Variants in DYNC1I2 observed in about 807,000 individuals in gnomAD.
DYNC1I2 encodes the protein cytoplasmic dynein 1 intermediate chain 2.
In DYNC1I2, 53 loss-of-function variants were observed where a neutral mutation model predicts 88.6. The observed-to-expected ratio is 0.60, with a 90% CI of 0.48 to 0.75. The LOEUF (loss-of-function observed/expected upper bound fraction) is 0.75, where lower values mean the gene tolerates loss of function less well. DYNC1I2 is among the 30% of genes least tolerant of loss of function. The pLI, the probability that DYNC1I2 is intolerant of heterozygous loss-of-function variation, is 0.00. For synonymous variants in DYNC1I2, 198 were observed against 254.6 expected (o/e 0.78, Z 2.12); for missense variants, 458 against 766.6 (o/e 0.60, Z 4.75).
intron 1 of DYNC1I2, among the ~76,000 whole-genome samples, chr2:171,688,963 A>G (rs1685180987): frequency 6.6e-6 from 1 of 152,132 alleles, no homozygotes; most frequent in Non-Finnish European, 1.5e-5. Flanking sequence ...GGAGAAGGTA[A>G]GGAGTTCCTG....
rs571291279 is a variant in DYNC1I2 at position 171,740,402 on chromosome 2, A to T, written c.1537-3647A>T. Among the ~76,000 whole-genome samples the T allele has an allele frequency of 3.3e-5, 5 of 152,330 alleles. No individual in the cohort carries two copies. The East Asian group carries it at 9.6e-4, about 29-fold the overall frequency. The stretch of plus-strand genomic sequence containing the variant: ...TGATTGTTTATAAAATCCATGACTT[A>T]CGTTTTCTTTCTTTGCATACCTTAG... On this transcript the variant is annotated intron_variant, in intron 15 of 17. Transcript: ENST00000397119.
At chr2:171,696,165 T>G (rs1264930722) in intron 3 of DYNC1I2, among the ~76,000 whole-genome samples, 1 of 152,232 alleles carries the variant, frequency 6.6e-6, no homozygotes, top group East Asian at 1.9e-4. Context: ...GCTTATAATA[T>G]TCTTCATTGA....
At chr2:171,715,729 ATAC>A (rs1487747840) in intron 7 of DYNC1I2, among the ~76,000 whole-genome samples, 1 of 152,132 alleles carries the variant, frequency 6.6e-6, no homozygotes, top group African/African-American at 2.4e-5. Context: ...TCATTAATGT[ATAC>A]TGCTTTTAGA....
At chr2:171,712,703 T>C in intron 5 of DYNC1I2, 64 bp from the exon 6 acceptor site, 6 of 1,117,932 alleles carry the variant, frequency 5.4e-6, no homozygotes, top group Non-Finnish European at 6.8e-6. Flanking sequence ...TCATAGAATG[T>C]ATTTGCTTGA....
At chr2:171,730,542 G>A (rs146675005) in intron 15 of DYNC1I2, among the ~76,000 whole-genome samples, 1 of 152,276 alleles carries the variant, frequency 6.6e-6, no homozygotes, top group East Asian at 1.9e-4. Context: ...ACAAATCCAA[G>A]TAGGCAACAT....
intron 15 of DYNC1I2, among the ~76,000 whole-genome samples, chr2:171,735,794 A>G (rs1488146923): frequency 6.6e-6 from 1 of 152,248 alleles, no homozygotes; most frequent in Non-Finnish European, 1.5e-5. Context: ...TGGTAGATTC[A>G]CTAAATGTTC....
At chr2:171,721,196 C>A (rs1334833982) in intron 7 of DYNC1I2, among the ~76,000 whole-genome samples, 1 of 144,074 alleles carries the variant, frequency 6.9e-6, no homozygotes, top group African/African-American at 2.5e-5. Context: ...TATAATTAAA[C>A]TATTAGTCTT....
chr2:171,707,928 T>G (rs12997093), intron 5 of DYNC1I2, among the ~76,000 whole-genome samples: 1 of 151,988 alleles, frequency 6.6e-6, no homozygotes, highest in Non-Finnish European at 1.5e-5. Context: ...TGCATCTTCC[T>G]TGTAAAATTA....
At chr2:171,739,694 C>G (rs1238521309) in intron 15 of DYNC1I2, among the ~76,000 whole-genome samples, 2 of 127,022 alleles carry the variant, frequency 1.6e-5, no homozygotes, top group South Asian at 5.1e-4. Flanking sequence ...ATTGACATAT[C>G]TCTTTTTTTT....
chr2:171,705,529 C>T (rs1686613338), intron 3 of DYNC1I2, among the ~76,000 whole-genome samples: 2 of 151,982 alleles, frequency 1.3e-5, no homozygotes, highest in African/African-American at 2.4e-5. Flanking sequence ...TGTGGTGCCT[C>T]ACTATAATTT....
chr2:171,687,751 C>G (rs1422820387), intron 1 of DYNC1I2, 124 bp downstream of exon 1: 2 of 152,536 alleles, frequency 1.3e-5, no homozygotes, highest in Non-Finnish European at 2.9e-5. Flanking sequence ...GCCCATCCCT[C>G]TTTGTGTGCT....
intron 4 of DYNC1I2, chr2:171,706,994 G>A: frequency 2.0e-6 from 1 of 503,562 alleles, no homozygotes; most frequent in South Asian, 2.5e-5. Flanking sequence ...GCCACATTTG[G>A]TGATGGATGA....
chr2:171,725,586 G>GTTT, intron 7 of DYNC1I2, 32 bp from the exon 8 acceptor site: 1 of 1,244,314 alleles, frequency 8.0e-7, no homozygotes, highest in Non-Finnish European at 1.1e-6. Flanking sequence ...CTGTTTTTTT[G>GTTT]TTTTTTTGTT....
At chr2:171,709,039 A>G (rs981875388) in intron 5 of DYNC1I2, among the ~76,000 whole-genome samples, 1 of 152,142 alleles carries the variant, frequency 6.6e-6, no homozygotes, top group Non-Finnish European at 1.5e-5. Context: ...TTTAAGTGAA[A>G]GCGTTTTTTT....
intron 3 of DYNC1I2, among the ~76,000 whole-genome samples, chr2:171,694,238 T>C (rs1281212440): frequency 6.6e-6 from 1 of 152,008 alleles, no homozygotes; most frequent in Non-Finnish European, 1.5e-5. Context: ...GGTTTCACCA[T>C]ATTGGCCAGG....
At chr2:171,729,660 G>T in intron 14 of DYNC1I2, 49 bp from the exon 15 acceptor site, 1 of 1,590,068 alleles carries the variant, frequency 6.3e-7, no homozygotes, top group South Asian at 1.1e-5. Flanking sequence ...GTATGTAATT[G>T]GTCTACTTAT....
chr2:171,712,831 T>G lies in DYNC1I2; in HGVS notation c.395+5T>G. The G allele has an allele frequency of 6.2e-7, 1 of 1,611,472 alleles. No homozygotes were observed. The highest frequency in any genetic ancestry group is 8.5e-7 in the Non-Finnish European group (1 of 1,177,920). The stretch of plus-strand genomic sequence containing the variant: ...TCACTCAGATTCCGATTTGGGGTAT[T>G]GAATAGATTTTTTACCTTCCCTGTT... On this transcript the variant is annotated splice_donor_5th_base_variant and intron_variant, in intron 6 of 17. Coordinates refer to ENST00000397119, the MANE Select transcript of DYNC1I2 (RefSeq NM_001378.3).
At chr2:171,692,301 C>T (rs1270991711) in intron 2 of DYNC1I2, among the ~76,000 whole-genome samples, 3 of 152,128 alleles carry the variant, frequency 2.0e-5, no homozygotes. Context: ...AAAATGAAGA[C>T]TTTATACAGA....
intron 7 of DYNC1I2, among the ~76,000 whole-genome samples, chr2:171,724,355 A>G (rs1045015478): frequency 6.6e-6 from 1 of 152,196 alleles, no homozygotes; most frequent in Admixed American, 6.5e-5. Context: ...TTTGCTGGGT[A>G]AAGGCTTGTC....
Sources: allele counts gnomAD v4.1 joint callset (sites outside exome capture counted in the v4.1 genomes callset), GRCh38; gene constraint gnomAD v4.1.1; transcripts MANE v1.5; gene names NCBI Gene and HGNC (gene_info 2026-07-23, HGNC 2026-07-21).